The following RASGEF1A variants were observed in gnomAD, a reference collection of about 807,000 sequenced individuals.
RASGEF1A encodes RasGEF domain family member 1A, also known as ras-GEF domain-containing family member 1A.
Under a neutral mutation model 56.4 loss-of-function variants are expected in RASGEF1A, and 18 were observed. That is an observed-to-expected ratio of 0.32 (90% CI 0.22 to 0.47). The LOEUF is 0.47. RASGEF1A is among the 20% of genes least tolerant of loss of function. The pLI is 1.00. For synonymous variants in RASGEF1A, 245 were observed against 242.6 expected (o/e 1.01, Z -0.09); for missense variants, 422 against 627.1 (o/e 0.67, Z 3.49).
chr10:43,266,321 T>C (rs1043163966), intron 1 of RASGEF1A, among the ~76,000 whole-genome samples: 8 of 152,176 alleles, frequency 5.3e-5, no homozygotes, highest in Non-Finnish European at 8.8e-5. Flanking sequence ...GGCATGGCCC[T>C]GGACCTCTCC....
At position 43,197,040 on chromosome 10, in the gene RASGEF1A, A is replaced by C; in HGVS notation, c.1284T>G (p.Cys428Trp). 1 of 1,614,128 alleles carries C rather than the reference A, an allele frequency of 6.2e-7. No homozygotes were observed. The stretch of plus-strand genomic sequence containing the variant: ...GAATCTTCTTGTCCTTCTCGAAAGG[A>C]CACTCTACCTGTGTCCATGTCATGA... The part of the protein sequence containing the change: ...HEFMTWTQVE[C>W]PFEKDKKIQS... Residue 428 changes from cysteine (C) to tryptophan (W), a missense_variant, in exon 11 of 13, where the codon TGT becomes TGG. Transcript: ENST00000395810.
intron 1 of RASGEF1A, among the ~76,000 whole-genome samples, chr10:43,214,164 G>A (rs1415383323): frequency 2.6e-5 from 4 of 152,242 alleles, no homozygotes; most frequent in Non-Finnish European, 5.9e-5. Flanking sequence ...CCTGAGAGCT[G>A]CAGCTACGAT....
chr10:43,229,684 C>A, intron 1 of RASGEF1A: 1 of 1,464,016 alleles, frequency 6.8e-7, no homozygotes, highest in Non-Finnish European at 9.0e-7. Context: ...CGCCGTCCTG[C>A]CCGGTCCGGC....
chr10:43,209,179 T>A, intron 1 of RASGEF1A: 1 of 985,472 alleles, frequency 1.0e-6, no homozygotes, highest in Non-Finnish European at 1.2e-6. Context: ...GCAATAGCCA[T>A]CATGATACAC....
Position 43,196,949 on chromosome 10 carries a change from C to A in RASGEF1A, c.1348+27G>T. The stretch of plus-strand genomic sequence containing the variant: ...ACAAGGAGTCAGGTGGGGTGGGAGG[C>A]ATGCTGCGTTGGGAGGCAGCCCTCA... On this transcript the variant is annotated intron_variant, in intron 11 of 12. Transcript: ENST00000395810. This position sits in a 1 kb window ranked among gnomAD's most constrained non-coding sequence, Gnocchi z 4.6. 6.2e-7 allele frequency: 1 copy of A among 1,610,104 alleles called. No individual in the cohort carries two copies.
chr10:43,228,686 G>T (rs963379552), intron 1 of RASGEF1A, among the ~76,000 whole-genome samples: 1 of 152,204 alleles, frequency 6.6e-6, no homozygotes, highest in African/African-American at 2.4e-5. Context: ...GGCCCTGCTA[G>T]CTCTCCTACA....
At chr10:43,253,543 A>C (rs892020878) in intron 1 of RASGEF1A, among the ~76,000 whole-genome samples, 10 of 152,254 alleles carry the variant, frequency 6.6e-5, no homozygotes, top group Non-Finnish European at 1.3e-4. Flanking sequence ...CAGTCAGAGA[A>C]AGTGTGAGGA....
In RASGEF1A at chr10:43,252,724, C is replaced by T. The variant is rs116236354; in HGVS notation, c.-7+14121G>A. ...CAGAGGACCCGGTTTCAGGGCTCGG[C>T]TGCCAAACTCACCTGACTCCCACTG... On this transcript the variant is annotated intron_variant, in intron 1 of 12. Transcript: ENST00000395810. Among the ~76,000 whole-genome samples, 459 of 152,220 alleles carry T rather than the reference C, an allele frequency of 3.0e-3. 4 individuals carry two copies. The highest frequency in any genetic ancestry group is 0.011 in the African/African-American group (445 of 41,514).
At position 43,196,662 on chromosome 10, in the gene RASGEF1A, C is replaced by A; in HGVS notation, c.1349-114G>T. On this transcript the variant is annotated intron_variant, in intron 11 of 12. Coordinates refer to ENST00000395810, the MANE Select transcript of RASGEF1A (RefSeq NM_145313.4). The surrounding 1 kb of genome is among the most constrained non-coding windows in gnomAD (Gnocchi z 4.6). ...AAGGGGACAGTGACCTCTGGCTGGGCTGAACACAGTTCTCTGCTGTGCGGG... is the reference window on the plus strand; with the variant it reads ...AAGGGGACAGTGACCTCTGGCTGGGATGAACACAGTTCTCTGCTGTGCGGG... 9.8e-7 allele frequency: 1 copy of A among 1,024,066 alleles called. No individual in the cohort carries two copies. Among genetic ancestry groups the A allele is most frequent in the Admixed American group, 1.8e-5 (1 of 55,336 alleles). The allele number at this position is 1,024,066 out of a possible 1,614,324, so 63.4% of individuals were successfully genotyped here. A position where few individuals can be genotyped will look rare whatever the true frequency, so the allele number is the denominator to read the frequency against.
chr10:43,229,158 G>T (rs1228229592), intron 1 of RASGEF1A, among the ~76,000 whole-genome samples: 1 of 152,176 alleles, frequency 6.6e-6, no homozygotes, highest in Non-Finnish European at 1.5e-5. Context: ...CTCCCTAAAC[G>T]CACAGGCGCG....
chr10:43,267,013 C>A lies in RASGEF1A; in HGVS notation c.-175G>T, dbSNP rs948154257. ...CAGCTGCGGGCAGAGCAGCTCCCTC[C>A]GCAGCCGGCGCCGGGGAGCGCGAGC... On this transcript the variant is annotated 5_prime_UTR_variant, in exon 1 of 13. Coordinates refer to ENST00000395810, the MANE Select transcript of RASGEF1A (RefSeq NM_145313.4). 33 of 148,548 alleles carry A rather than the reference C, an allele frequency of 2.2e-4. No individual in the cohort carries two copies. Among genetic ancestry groups the A allele is most frequent in the African/African-American group, 7.8e-4 (32 of 41,040 alleles). The allele number at this position is 148,548 out of a possible 1,614,324, so 9.2% of individuals were successfully genotyped here. A position where few individuals can be genotyped will look rare whatever the true frequency, so the allele number is the denominator to read the frequency against.
chr10:43,235,557 C>T (rs1365407459), intron 1 of RASGEF1A, among the ~76,000 whole-genome samples: 1 of 152,202 alleles, frequency 6.6e-6, no homozygotes, highest in Non-Finnish European at 1.5e-5. Flanking sequence ...GACCACACTG[C>T]CCAGGAGCTT....
At chr10:43,244,948 G>A (rs1271478278) in intron 1 of RASGEF1A, among the ~76,000 whole-genome samples, 3 of 151,344 alleles carry the variant, frequency 2.0e-5, no homozygotes, top group Non-Finnish European at 4.4e-5. Flanking sequence ...AATAACAGAA[G>A]AAGAAAATAC....
At chr10:43,246,160 C>T (rs555866832) in intron 1 of RASGEF1A, among the ~76,000 whole-genome samples, 71 of 152,128 alleles carry the variant, frequency 4.7e-4, no homozygotes, top group South Asian at 2.9e-3. Context: ...GAAAACAATT[C>T]AATTCGTAAT....
chr10:43,259,327 C>T (rs553065877), intron 1 of RASGEF1A, among the ~76,000 whole-genome samples: 64 of 152,210 alleles, frequency 4.2e-4, no homozygotes, highest in African/African-American at 1.4e-3. Flanking sequence ...GCCCCTGGGA[C>T]TTGCAGCTGG....
chr10:43,203,598 C>A (rs1020001919), intron 2 of RASGEF1A, 178 bp from the exon 3 acceptor site: 99 of 1,248,068 alleles, frequency 7.9e-5, no homozygotes, highest in Admixed American at 2.8e-4. Flanking sequence ...TACTGCTACC[C>A]CGGCCCTGCC....
intron 1 of RASGEF1A, among the ~76,000 whole-genome samples, chr10:43,241,392 G>A (rs944311144): frequency 2.0e-5 from 3 of 152,140 alleles, no homozygotes; most frequent in African/African-American, 7.2e-5. Context: ...ACAGCACAAA[G>A]GAGAGGAGAG....
At chr10:43,250,915 G>A (rs1840621304) in intron 1 of RASGEF1A, among the ~76,000 whole-genome samples, 1 of 152,206 alleles carries the variant, frequency 6.6e-6, no homozygotes, top group Non-Finnish European at 1.5e-5. Context: ...TGAAGCCAGA[G>A]ACACCTGGGT....
chr10:43,219,211 G>A lies in RASGEF1A; in HGVS notation c.-6-13089C>T, dbSNP rs536845557. 4.2e-4 allele frequency among the ~76,000 whole-genome samples: 64 copies of A among 152,232 alleles called. No homozygotes were observed. In the East Asian group the frequency reaches 4.3e-3, roughly 10 times the overall value. On this transcript the variant is annotated intron_variant, in intron 1 of 12. Coordinates refer to ENST00000395810, the MANE Select transcript of RASGEF1A (RefSeq NM_145313.4). ...TGGCCTCGCTCCCTCTTCGGCCAAC[G>A]CCATCAGATTCTGCAGGGGTAACGA...
Sources: gnomAD v4.1 joint callset for allele counts (sites outside exome capture counted in the v4.1 genomes callset) on GRCh38, gnomAD v4.1.1 for gene constraint, Gnocchi (gnomAD v3.1) non-coding constraint, MANE v1.5 for transcripts, NCBI Gene and HGNC (gene_info 2026-07-23, HGNC 2026-07-21) for gene names.